CHORDC1: variants seen among roughly 807,000 people sequenced by gnomAD.
CHORDC1 encodes cysteine and histidine-rich domain-containing protein 1.
A neutral mutation model predicts 48.3 loss-of-function variants in CHORDC1; 25 were observed. That is an observed-to-expected ratio of 0.52 (90% CI 0.38 to 0.72). The LOEUF is 0.72. Among genes scored for constraint, CHORDC1 ranks in the 30% least tolerant of loss-of-function variants. The pLI is 0.00. For synonymous variants in CHORDC1, 128 were observed against 126.4 expected, an observed-to-expected ratio of 1.01 and a Z score of -0.09; for missense variants, 317 against 388.7, an observed-to-expected ratio of 0.82 and a Z score of 1.55.
intron 1 of CHORDC1, among the ~76,000 whole-genome samples, chr11:90,221,065 G>A (rs1235426685): frequency 4.6e-5 from 7 of 151,512 alleles, no homozygotes; most frequent in South Asian, 2.1e-4. Context: ...ATAAGTCAAC[G>A]AGCACGGTAA....
intron 6 of CHORDC1, among the ~76,000 whole-genome samples, chr11:90,210,008 T>C (rs1857816160): frequency 6.6e-6 from 1 of 152,186 alleles, no homozygotes; most frequent in Non-Finnish European, 1.5e-5. Context: ...TTGTTATTCC[T>C]TGAATAGCCA....
chr11:90,205,928 C>A, intron 7 of CHORDC1: 2 of 474,700 alleles, frequency 4.2e-6, no homozygotes, highest in East Asian at 8.1e-5. Context: ...AAACATTTAG[C>A]CCAAATAGCA....
At chr11:90,207,779 C>CAAAAAAAAAAAAAAAAAAAA (rs1231587858) in intron 6 of CHORDC1, 7 of 91,302 alleles carry the variant, frequency 7.7e-5, no homozygotes, top group South Asian at 4.2e-4. Context: ...AAAAAAAAAA[C>CAAAAAAAAAAAAAAAAAAAA]AAAAAAAACT....
rs1387867091 is a variant in CHORDC1 at position 90,222,500 on chromosome 11, C to A, written c.64+391G>T. Reference sequence around the variant, plus strand: ...CAGGCAATCACAGCCATCACTACTTCGGGAACTACAAAGCAAGCTCACCAG... The same window carrying A: ...CAGGCAATCACAGCCATCACTACTTAGGGAACTACAAAGCAAGCTCACCAG... On this transcript the variant is annotated intron_variant, in intron 1 of 10. Coordinates refer to ENST00000320585, the MANE Select transcript of CHORDC1 (RefSeq NM_012124.3). The A allele has an allele frequency of 7.6e-6, 3 of 397,024 alleles. No homozygotes were observed. The Admixed American group carries it at 9.8e-5, about 13-fold the overall frequency. The allele number at this position is 397,024 out of a possible 1,614,324, so 24.6% of individuals were successfully genotyped here. A position where few individuals can be genotyped will look rare whatever the true frequency, so the allele number is the denominator to read the frequency against.
At chr11:90,222,196 TA>T (rs1324481875) in intron 1 of CHORDC1, among the ~76,000 whole-genome samples, 2 of 152,224 alleles carry the variant, frequency 1.3e-5, no homozygotes, top group Non-Finnish European at 2.9e-5. Context: ...CTAGGTGCTG[TA>T]GATGACATTC....
intron 10 of CHORDC1, 87 bp from the exon 11 acceptor site, chr11:90,202,638 C>A (rs1187483449): frequency 2.0e-6 from 3 of 1,486,902 alleles, no homozygotes; most frequent in African/African-American, 2.8e-5. Flanking sequence ...TGCCAATAAT[C>A]CCAAATCCAA....
chr11:90,218,222 TTATAATGAAGAAAAATATA>T lies in CHORDC1; in HGVS notation c.65-57_65-39del, dbSNP rs745782362. On this transcript the variant is annotated intron_variant, in intron 1 of 10. Coordinates refer to ENST00000320585, the MANE Select transcript of CHORDC1 (RefSeq NM_012124.3). ...GAGAAAAAAAAAAAAGTACCACTCT[TTATAATGAAGAAAAATATA>T]TACATGATCATCTCCTTAAGGTGTT... is the stretch of plus-strand genomic sequence containing the variant. 9 of 1,489,600 alleles carry T rather than the reference TTATAATGAAGAAAAATATA, an allele frequency of 6.0e-6. No individual in the cohort carries two copies. The Admixed American group carries it at 9.1e-5, about 15-fold the overall frequency. 92.3% of individuals were successfully genotyped at this position (1,489,600 alleles called of 1,614,324 possible). A position where few individuals can be genotyped will look rare whatever the true frequency, so the allele number is the denominator to read the frequency against.
Position 90,202,283 on chromosome 11 carries a change from T to A in CHORDC1, c.*122A>T, listed in dbSNP as rs1857558750. On this transcript the variant is annotated 3_prime_UTR_variant, in exon 11 of 11. Coordinates refer to ENST00000320585, the MANE Select transcript of CHORDC1 (RefSeq NM_012124.3). ...ACTTTGGCTTTTAAGAACCTAATGT[T>A]AACCCTGAAATGCCACATTCAGTAA... 1.1e-6 allele frequency: 1 copy of A among 924,386 alleles called. No individual in the cohort carries two copies. The highest frequency in any genetic ancestry group is 1.7e-6 in the Non-Finnish European group (1 of 601,368). The allele number at this position is 924,386 out of a possible 1,614,324, so 57.3% of individuals were successfully genotyped here. A position where few individuals can be genotyped will look rare whatever the true frequency, so the allele number is the denominator to read the frequency against.
At chr11:90,221,365 C>T (rs2135061069) in intron 1 of CHORDC1, among the ~76,000 whole-genome samples, 1 of 152,268 alleles carries the variant, frequency 6.6e-6, no homozygotes, top group East Asian at 1.9e-4. Context: ...CGTCATTTCG[C>T]TAAAGTAAAT....
chr11:90,205,884 A>G (rs558620978), intron 7 of CHORDC1: 4 of 434,450 alleles, frequency 9.2e-6, no homozygotes, highest in South Asian at 8.7e-5. Context: ...AAAATTCTAA[A>G]TGCCCTGCAA....
chr11:90,218,015 C>A (rs1488754246), intron 2 of CHORDC1, 120 bp downstream of exon 2: 5 of 652,518 alleles, frequency 7.7e-6, no homozygotes, highest in Middle Eastern at 2.5e-4. Flanking sequence ...GCACCTCCCC[C>A]GCAAAGGTCA....
Position 90,211,204 on chromosome 11 carries a change from T to A in CHORDC1, c.433+11A>T. 1 of 1,519,938 alleles carries A rather than the reference T, an allele frequency of 6.6e-7. No individual in the cohort carries two copies. The highest frequency in any genetic ancestry group is 9.1e-7 in the Non-Finnish European group (1 of 1,099,748). 94.2% of individuals were successfully genotyped at this position (1,519,938 alleles called of 1,614,324 possible). A position where few individuals can be genotyped will look rare whatever the true frequency, so the allele number is the denominator to read the frequency against. On this transcript the variant is annotated intron_variant, in intron 5 of 10. Transcript: ENST00000320585. ...GAAAATAATTAACAATAAAACAAAATAAAATCTTACCTTTCTTATTTTCTT... is the reference window on the plus strand; with the variant it reads ...GAAAATAATTAACAATAAAACAAAAAAAAATCTTACCTTTCTTATTTTCTT...
chr11:90,211,463 T>C, intron 4 of CHORDC1, 145 bp from the exon 5 acceptor site: 1 of 599,046 alleles, frequency 1.7e-6, no homozygotes. Flanking sequence ...AGGTATTTTA[T>C]AAATAATTGT....
intron 8 of CHORDC1, among the ~76,000 whole-genome samples, chr11:90,204,492 G>A (rs1857618646): frequency 6.6e-6 from 1 of 152,222 alleles, no homozygotes; most frequent in Admixed American, 6.5e-5. Flanking sequence ...AGGTCGAGGC[G>A]GGTGGATCAC....
intron 9 of CHORDC1, 134 bp from the exon 10 acceptor site, chr11:90,203,009 T>C: frequency 8.5e-7 from 1 of 1,170,446 alleles, no homozygotes; most frequent in Non-Finnish European, 1.2e-6. Flanking sequence ...TATTGTTTCA[T>C]ATGAGAAAAG....
chr11:90,201,669 C>G lies in CHORDC1; in HGVS notation c.*736G>C, dbSNP rs2135022179. 1.3e-5 allele frequency: 2 copies of G among 152,476 alleles called. No individual in the cohort carries two copies. The highest frequency in any genetic ancestry group is 1.3e-4 in the Admixed American group (2 of 15,270). 9.4% of individuals were successfully genotyped at this position (152,476 alleles called of 1,614,324 possible). ...AGTAACAATTAGTCATAACACCATA[C>G]AAACACATTTAAATATTCAGGAAAG... On this transcript the variant is annotated 3_prime_UTR_variant, in exon 11 of 11. Coordinates refer to ENST00000320585, the MANE Select transcript of CHORDC1 (RefSeq NM_012124.3).
intron 1 of CHORDC1, among the ~76,000 whole-genome samples, chr11:90,219,199 G>C (rs1334481287): frequency 6.6e-6 from 1 of 152,080 alleles, no homozygotes; most frequent in Non-Finnish European, 1.5e-5. Flanking sequence ...GGGAAGCAGA[G>C]TTTGCAGTGA....
In CHORDC1 at chr11:90,201,855, T is replaced by G. The variant is rs1288235729; in HGVS notation, c.*550A>C. 1 of 152,422 alleles carries G rather than the reference T, an allele frequency of 6.6e-6. No homozygotes were observed. The highest frequency in any genetic ancestry group is 1.5e-5 in the Non-Finnish European group (1 of 67,936). 9.4% of individuals were successfully genotyped at this position (152,422 alleles called of 1,614,324 possible). A position where few individuals can be genotyped will look rare whatever the true frequency, so the allele number is the denominator to read the frequency against. ...TCAAGTAGTTGTAAACAAATTCTAATTTGTTAAACAATTCATATATTCCCC... is the reference window on the plus strand; with the variant it reads ...TCAAGTAGTTGTAAACAAATTCTAAGTTGTTAAACAATTCATATATTCCCC... On this transcript the variant is annotated 3_prime_UTR_variant, in exon 11 of 11. Coordinates refer to ENST00000320585, the MANE Select transcript of CHORDC1 (RefSeq NM_012124.3).
chr11:90,202,543 A>G lies in CHORDC1; in HGVS notation c.861T>C (p.Asp287=), dbSNP rs1017128512. The change falls in exon 11 of 11, where the codon GAT becomes GAC. Residue 287 remains aspartate, a synonymous_variant. Transcript: ENST00000320585. ...TCATAGTTACATAACTTCGCTTTAC[A>G]TCAATCACCTGTAACATATCAAAGA... ...DQNVKLWGVI[D]VKRSYVTMTA... 2 of 1,613,290 alleles carry G rather than the reference A, an allele frequency of 1.2e-6. No individual in the cohort carries two copies. Among genetic ancestry groups the G allele is most frequent in the African/African-American group, 2.7e-5 (2 of 75,006 alleles).
Sources: gnomAD v4.1 joint callset for allele counts (sites outside exome capture counted in the v4.1 genomes callset) on GRCh38, gnomAD v4.1.1 for gene constraint, MANE v1.5 for transcripts, NCBI Gene and HGNC (gene_info 2026-07-23, HGNC 2026-07-21) for gene names.